The following CACNA1I variants were observed in gnomAD, a reference collection of about 807,000 sequenced individuals.
The protein encoded by CACNA1I is voltage-dependent T-type calcium channel subunit alpha-1I.
CACNA1I carries 74 observed loss-of-function variants against 201.6 expected under a neutral mutation model. That is an observed-to-expected ratio of 0.37 (90% confidence interval 0.30 to 0.45). CACNA1I has a LOEUF of 0.45. Ranked by LOEUF, CACNA1I falls within the 20% of genes least tolerant of loss-of-function variation. CACNA1I has a pLI of 1.00. For synonymous variants in CACNA1I, 1,431 were observed against 1,345.2 expected, an observed-to-expected ratio of 1.06 and a Z score of -1.40; for missense variants, 2,346 against 3,138.1, an observed-to-expected ratio of 0.75 and a Z score of 6.03.
Position 39,648,090 on chromosome 22 carries a change from C to T in CACNA1I, c.1567+164C>T, listed in dbSNP as rs971122784. On this transcript the variant is annotated intron_variant, in intron 9 of 36. Coordinates refer to ENST00000402142, the MANE Select transcript of CACNA1I (RefSeq NM_021096.4). This position sits in a 1 kb window ranked among gnomAD's most constrained non-coding sequence, Gnocchi z 5.4. ...AAAGTGAGGACAGGGGCCCCCAGCA[C>T]GTGGCCGTCCACGGCGGGAGTCAGC... 2.2e-5 allele frequency: 14 copies of T among 627,582 alleles called. No individual in the cohort carries two copies. The highest frequency in any genetic ancestry group is 3.3e-5 in the Non-Finnish European group (12 of 361,350). 38.9% of individuals were successfully genotyped at this position (627,582 alleles called of 1,614,324 possible).
intron 3 of CACNA1I, 46 bp downstream of exon 3, chr22:39,600,699 G>T: frequency 6.5e-7 from 1 of 1,534,138 alleles, no homozygotes; most frequent in Non-Finnish European, 8.7e-7. Flanking sequence ...GTGCACACCA[G>T]GCATAATTGA....
chr22:39,682,335 G>A lies in CACNA1I; in HGVS notation c.5665-161G>A, dbSNP rs146230191. ...GCATTCGGAGGTGGATTCCTTTCAC[G>A]GGATTTTGGAAGATGGTCAGGTAGA... On this transcript the variant is annotated intron_variant, in intron 34 of 36. Transcript: ENST00000402142. 6.4e-3 allele frequency among the ~76,000 whole-genome samples: 977 copies of A among 152,302 alleles called. 6 individuals are homozygous for A. Among genetic ancestry groups the A allele is most frequent in the Non-Finnish European group, 0.01 (698 of 68,022 alleles).
Position 39,677,246 on chromosome 22 carries a change from T to C in CACNA1I, c.4855-95T>C. The C allele has an allele frequency of 1.3e-6, 1 of 777,628 alleles. No individual in the cohort carries two copies. Among genetic ancestry groups the C allele is most frequent in the Non-Finnish European group, 2.1e-6 (1 of 469,296 alleles). 48.2% of individuals were successfully genotyped at this position (777,628 alleles called of 1,614,324 possible). A position where few individuals can be genotyped will look rare whatever the true frequency, so the allele number is the denominator to read the frequency against. On this transcript the variant is annotated intron_variant, in intron 29 of 36. Coordinates refer to ENST00000402142, the MANE Select transcript of CACNA1I (RefSeq NM_021096.4). This position sits in a 1 kb window ranked among gnomAD's most constrained non-coding sequence, Gnocchi z 4.8. ...GTTACAGCTGCTCTGACCCACAGGC[T>C]GCCCAACCCCACTGCCCCAGCCTCC...
At chr22:39,658,553 T>G (rs535650888) in intron 11 of CACNA1I, among the ~76,000 whole-genome samples, 1 of 152,380 alleles carries the variant, frequency 6.6e-6, no homozygotes, top group East Asian at 1.9e-4. Context: ...GGGAAACAAC[T>G]GCATCGGCTG....
rs56656729 is a variant in CACNA1I at position 39,679,728 on chromosome 22, C to T, written c.5401C>T (p.Leu1801=). The T allele has an allele frequency of 1.2e-6, 2 of 1,611,904 alleles. No homozygotes were observed. Residue 1801 remains leucine (L), a synonymous_variant, in exon 33 of 37, where the codon CTG becomes TTG. Transcript: ENST00000402142. The part of the protein sequence containing the change: ...RRCYSPAQEN[L]WLDSVSLIIK... ...CCCGTCCCCGTCCGCCTAGGAGAAC[C>T]TGTGGCTGGACAGCGTCTCTTTAAT... is the stretch of plus-strand genomic sequence containing the variant.
chr22:39,633,522 A>C (rs1934121759), intron 4 of CACNA1I, among the ~76,000 whole-genome samples: 1 of 152,242 alleles, frequency 6.6e-6, no homozygotes. Flanking sequence ...AAGCCTTCAC[A>C]GAAAGAGCTT....
At chr22:39,642,070 T>TGCTGCCTCCGCTGCCCTGC (rs1437484168) in intron 6 of CACNA1I, among the ~76,000 whole-genome samples, 1 of 151,922 alleles carries the variant, frequency 6.6e-6, no homozygotes. Flanking sequence ...GGCTGAACTC[T>TGCTGCCTCCGCTGCCCTGC]GCTGCCTCCG....
At chr22:39,601,847 CTCCCTCCCTCCT>C (rs1933042737) in intron 3 of CACNA1I, among the ~76,000 whole-genome samples, 1 of 128,300 alleles carries the variant, frequency 7.8e-6, no homozygotes, top group African/African-American at 3.2e-5. Context: ...CCCTCCCTCC[CTCCCTCCCTCCT>C]TCCTTCCTTC....
intron 1 of CACNA1I, among the ~76,000 whole-genome samples, chr22:39,595,908 AT>A (rs1284977182): frequency 2.0e-5 from 3 of 151,560 alleles, no homozygotes; most frequent in African/African-American, 7.3e-5. Flanking sequence ...GACAATGAGC[AT>A]GTCAGCAAGA....
chr22:39,581,970 C>A (rs1334292894), intron 1 of CACNA1I, among the ~76,000 whole-genome samples: 1 of 152,184 alleles, frequency 6.6e-6, no homozygotes, highest in Non-Finnish European at 1.5e-5. Context: ...TCTCTGAGTG[C>A]ACTTCCAAGC....
intron 4 of CACNA1I, 45 bp from the exon 5 acceptor site, chr22:39,634,520 C>T: frequency 6.3e-7 from 1 of 1,599,190 alleles, no homozygotes; most frequent in Non-Finnish European, 8.6e-7. Context: ...GTCTCTGGGA[C>T]CTCTGCTCCC....
chr22:39,634,557 C>A lies in CACNA1I; in HGVS notation c.581-8C>A. ...GTCTGACCATCCCTCCACCTTTTCC[C>A]CTCCCAGGTATGCGGATCCTGGTGA... On this transcript the variant is annotated splice_polypyrimidine_tract_variant and splice_region_variant and intron_variant, in intron 4 of 36. Coordinates refer to ENST00000402142, the MANE Select transcript of CACNA1I (RefSeq NM_021096.4). The A allele has an allele frequency of 6.2e-7, 1 of 1,613,798 alleles. No individual in the cohort carries two copies.
At position 39,676,728 on chromosome 22, in the gene CACNA1I, T is replaced by G. The variant is rs1443303839; in HGVS notation, c.4855-613T>G. ...GCCCAAGGAGGCAAATCTGACCTCA[T>G]GCAGCTGTGTTCCTGCTCTTGAAGA... is the stretch of plus-strand genomic sequence containing the variant. On this transcript the variant is annotated intron_variant, in intron 29 of 36. Coordinates refer to ENST00000402142, the MANE Select transcript of CACNA1I (RefSeq NM_021096.4). The surrounding 1 kb of genome is among the most constrained non-coding windows in gnomAD (Gnocchi z 4.8). Among the ~76,000 whole-genome samples, 1 of 152,208 alleles carries G rather than the reference T, an allele frequency of 6.6e-6. No homozygotes were observed. The highest frequency in any genetic ancestry group is 2.4e-5 in the African/African-American group (1 of 41,452).
chr22:39,679,598 G>T, intron 32 of CACNA1I, 124 bp from the exon 33 acceptor site: 1 of 1,090,234 alleles, frequency 9.2e-7, no homozygotes, highest in Non-Finnish European at 1.3e-6. Flanking sequence ...CTGTGATGAG[G>T]GGGTCGGTCC....
At chr22:39,591,651 C>T (rs144962010) in intron 1 of CACNA1I, among the ~76,000 whole-genome samples, 3,119 of 152,196 alleles carry the variant, frequency 0.02, 101 homozygotes, top group African/African-American at 0.069. Flanking sequence ...CTCCACCTCC[C>T]GGGTTCAAGC....
intron 1 of CACNA1I, among the ~76,000 whole-genome samples, chr22:39,584,526 G>A (rs1932679380): frequency 1.3e-5 from 2 of 152,188 alleles, no homozygotes; most frequent in Non-Finnish European, 2.9e-5. Flanking sequence ...CTGTGGAAGT[G>A]GATATGGAGT....
At chr22:39,594,995 A>G (rs1047520324) in intron 1 of CACNA1I, among the ~76,000 whole-genome samples, 1 of 152,216 alleles carries the variant, frequency 6.6e-6, no homozygotes, top group African/African-American at 2.4e-5. Flanking sequence ...CCAATAATAA[A>G]ATAGAACAAT....
Position 39,670,065 on chromosome 22 carries a change from C to A in CACNA1I, c.4222C>A (p.Leu1408Met). The A allele has an allele frequency of 6.2e-7, 1 of 1,612,702 alleles. No homozygotes were observed. Among genetic ancestry groups the A allele is most frequent in the South Asian group, 1.1e-5 (1 of 91,026 alleles). ...TGTGACCAACCACAACCCCTGGATGCTGCTGTACTTCATCTCCTTCCTGCT... is the reference window on the plus strand; with the variant it reads ...TGTGACCAACCACAACCCCTGGATGATGCTGTACTTCATCTCCTTCCTGCT... ...QPVTNHNPWM[L>M]LYFISFLLIV... Residue 1408 changes from leucine to methionine, a missense_variant, in exon 25 of 37, where the codon CTG (leucine) becomes ATG (methionine). This residue lies in a region of CACNA1I where 228 missense variants were observed against 395.7 expected (regional missense o/e 0.58). Coordinates refer to ENST00000402142, the MANE Select transcript of CACNA1I (RefSeq NM_021096.4).
At chr22:39,613,344 G>T (rs1933435084) in intron 3 of CACNA1I, among the ~76,000 whole-genome samples, 1 of 152,180 alleles carries the variant, frequency 6.6e-6, no homozygotes, top group Non-Finnish European at 1.5e-5. Context: ...GTGCCCAGAG[G>T]TGCCCTCATA....
Sources: allele counts gnomAD v4.1 joint callset (sites outside exome capture counted in the v4.1 genomes callset), GRCh38; gene constraint gnomAD v4.1.1; regional missense constraint gnomAD v4.1.1; non-coding constraint Gnocchi (gnomAD v3.1); transcripts MANE v1.5; gene names NCBI Gene and HGNC (gene_info 2026-07-23, HGNC 2026-07-21).